The following SRSF9 variants were observed in gnomAD, a reference collection of about 807,000 sequenced individuals.
SRSF9 encodes serine and arginine rich splicing factor 9, also known as serine/arginine-rich splicing factor 9.
In SRSF9, 3 loss-of-function variants were observed where a neutral mutation model predicts 25.9. That is an observed-to-expected ratio of 0.12 (90% CI 0.05 to 0.30). The LOEUF (loss-of-function observed/expected upper bound fraction) is 0.30. SRSF9 is among the 10% of genes least tolerant of loss of function. The pLI is 1.00. For missense variants in SRSF9, 161 were observed against 303.5 expected (o/e 0.53, Z 3.49); for synonymous variants, 114 against 113.2 (o/e 1.01, Z -0.05).
chr12:120,469,646 C>CG lies in SRSF9; in HGVS notation c.-38dup. 1 of 1,241,676 alleles carries CG rather than the reference C, an allele frequency of 8.1e-7. No homozygotes were observed. 76.9% of individuals were successfully genotyped at this position (1,241,676 alleles called of 1,614,324 possible). On this transcript the variant is annotated 5_prime_UTR_variant, in exon 1 of 4. Transcript: ENST00000229390. ...GACGCCGCGGGCCCGCCGCAGCCCA[C>CG]GTCGCCGCCGCCGCCTCAGCACGGG...
intron 1 of SRSF9, 41 bp downstream of exon 1, chr12:120,469,380 TC>T: frequency 6.6e-7 from 1 of 1,506,380 alleles, no homozygotes; most frequent in East Asian, 2.7e-5. Flanking sequence ...GGCGGGGGCC[TC>T]AGGCACCGAG....
At chr12:120,467,239 T>C (rs901339876) in intron 1 of SRSF9, among the ~76,000 whole-genome samples, 2 of 152,216 alleles carry the variant, frequency 1.3e-5, no homozygotes, top group African/African-American at 4.8e-5. Context: ...CCAGGCGCTG[T>C]GGCACATGCC....
intron 1 of SRSF9, among the ~76,000 whole-genome samples, chr12:120,468,051 A>G (rs75231044): frequency 3.9e-5 from 1 of 25,426 alleles, no homozygotes; most frequent in African/African-American, 1.7e-4. Context: ...CCGGGATCGC[A>G]CCACAGCACT....
At chr12:120,466,105 A>G (rs532227721) in intron 1 of SRSF9, among the ~76,000 whole-genome samples, 1 of 152,370 alleles carries the variant, frequency 6.6e-6, no homozygotes, top group South Asian at 2.1e-4. Flanking sequence ...GATTTTGCCA[A>G]TAAACCATCA....
At chr12:120,468,518 G>C (rs972843878) in intron 1 of SRSF9, among the ~76,000 whole-genome samples, 2 of 152,180 alleles carry the variant, frequency 1.3e-5, no homozygotes, top group African/African-American at 4.8e-5. Flanking sequence ...TTCCTCAGAT[G>C]CTCCCCTTGC....
Position 120,469,392 on chromosome 12 carries a change from G to A in SRSF9, c.188+30C>T, listed in dbSNP as rs759422719. 1.4e-5 allele frequency: 22 copies of A among 1,542,906 alleles called. 1 individual carries two copies. In the South Asian group the frequency reaches 2.6e-4, roughly 18 times the overall value. On this transcript the variant is annotated intron_variant, in intron 1 of 3. Coordinates refer to ENST00000229390, the MANE Select transcript of SRSF9 (RefSeq NM_003769.3). ...GAAGGCGGGGGCCTCAGGCACCGAG[G>A]AGGAGAGGGCAGGGGCGCGGGGGCC...
At chr12:120,462,279 G>T in intron 3 of SRSF9, 117 bp from the exon 4 acceptor site, 1 of 1,112,702 alleles carries the variant, frequency 9.0e-7, no homozygotes, top group Non-Finnish European at 1.3e-6. Context: ...TGTACTCTGT[G>T]CCTGGCATGA....
chr12:120,469,400 G>A (rs535779554), intron 1 of SRSF9, 22 bp downstream of exon 1: 5 of 1,562,958 alleles, frequency 3.2e-6, no homozygotes, highest in African/African-American at 2.8e-5. Flanking sequence ...AGGAGGAGAG[G>A]GCAGGGGCGC....
intron 2 of SRSF9, 182 bp from the exon 3 acceptor site, chr12:120,464,304 C>T: frequency 1.6e-6 from 1 of 641,302 alleles, no homozygotes; most frequent in Non-Finnish European, 2.5e-6. Flanking sequence ...GGTAAATGAA[C>T]CACCTTGAGA....
chr12:120,463,110 C>G (rs1237526005), intron 3 of SRSF9: 2 of 111,484 alleles, frequency 1.8e-5, no homozygotes, highest in African/African-American at 8.8e-5. Context: ...ACAGGATAAC[C>G]AGAAAAAAAC....
chr12:120,465,797 A>AT lies in SRSF9; in HGVS notation c.189-11_189-10insA. 6.4e-7 allele frequency: 1 copy of AT among 1,566,410 alleles called. No individual in the cohort carries two copies. Among genetic ancestry groups the AT allele is most frequent in the South Asian group, 1.2e-5 (1 of 81,048 alleles). ...AGCATCCTCTGCATCTCTAAAAAAA[A>AT]CAACAACAACAAAAAAAACGTTTGG... On this transcript the variant is annotated splice_polypyrimidine_tract_variant and intron_variant, in intron 1 of 3. Transcript: ENST00000229390.
At chr12:120,462,320 G>A in intron 3 of SRSF9, 158 bp from the exon 4 acceptor site, 2 of 681,484 alleles carry the variant, frequency 2.9e-6, no homozygotes, top group Non-Finnish European at 4.7e-6. Context: ...ATAACATTAT[G>A]AGGTAGGTAC....
At chr12:120,464,238 A>G (rs576017198) in intron 2 of SRSF9, 116 bp from the exon 3 acceptor site, 83 of 1,226,008 alleles carry the variant, frequency 6.8e-5, no homozygotes, top group Non-Finnish European at 9.2e-5. Context: ...GAGGGTCCCC[A>G]AATCATAAAC....
At position 120,461,890 on chromosome 12, in the gene SRSF9, T is replaced by C. The variant is rs1878350165; in HGVS notation, c.*129A>G. 1 of 1,014,016 alleles carries C rather than the reference T, an allele frequency of 9.9e-7. No individual in the cohort carries two copies. Among genetic ancestry groups the C allele is most frequent in the Non-Finnish European group, 1.3e-6 (1 of 751,582 alleles). The allele number at this position is 1,014,016 out of a possible 1,614,324, so 62.8% of individuals were successfully genotyped here. A position where few individuals can be genotyped will look rare whatever the true frequency, so the allele number is the denominator to read the frequency against. On this transcript the variant is annotated 3_prime_UTR_variant, in exon 4 of 4. Coordinates refer to ENST00000229390, the MANE Select transcript of SRSF9 (RefSeq NM_003769.3). ...CCCTGGTAGAAATTATGTAGTTTTT[T>C]TTCTTCTTTAAAAAAAAAAAATTAA...
intron 3 of SRSF9, chr12:120,463,722 T>G: frequency 2.2e-6 from 1 of 456,076 alleles, no homozygotes. Flanking sequence ...GATACTAATA[T>G]GCAGAATAAA....
intron 1 of SRSF9, among the ~76,000 whole-genome samples, chr12:120,466,719 T>C (rs528176133): frequency 6.6e-6 from 1 of 152,132 alleles, no homozygotes; most frequent in East Asian, 1.9e-4. Flanking sequence ...GGATTTTTTG[T>C]AGAGACAGGT....
rs112862349 is a variant in SRSF9 at position 120,462,316 on chromosome 12, T to C, written c.523-154A>G. 31 of 705,140 alleles carry C rather than the reference T, an allele frequency of 4.4e-5. 1 individual carries two copies. The highest frequency in any genetic ancestry group is 3.7e-4 in the African/African-American group (20 of 54,702). 43.7% of individuals were successfully genotyped at this position (705,140 alleles called of 1,614,324 possible). A position where few individuals can be genotyped will look rare whatever the true frequency, so the allele number is the denominator to read the frequency against. The stretch of plus-strand genomic sequence containing the variant: ...GCTATCTCATTAAACCTTCATAACA[T>C]TATGAGGTAGGTACTCTTACTATCC... On this transcript the variant is annotated intron_variant, in intron 3 of 3. Coordinates refer to ENST00000229390, the MANE Select transcript of SRSF9 (RefSeq NM_003769.3).
chr12:120,466,522 G>A (rs1055737709), intron 1 of SRSF9, among the ~76,000 whole-genome samples: 10 of 151,996 alleles, frequency 6.6e-5, no homozygotes, highest in Non-Finnish European at 1.3e-4. Flanking sequence ...GCAAATGAGT[G>A]TTTTGTGATG....
chr12:120,465,696 C>T lies in SRSF9; in HGVS notation c.280G>A (p.Gly94Ser), dbSNP rs1565917169. The T allele has an allele frequency of 2.5e-6, 4 of 1,604,290 alleles. No individual in the cohort carries two copies. In the South Asian group the frequency reaches 3.4e-5, roughly 13 times the overall value. The change falls in exon 2 of 4, where the codon GGT becomes AGT. Residue 94 changes from glycine to serine, a missense_variant. Around this residue, in one of 3 missense-constraint regions of SRSF9, gnomAD observed 99 missense variants for 156.7 expected, o/e 0.63. Coordinates refer to ENST00000229390, the MANE Select transcript of SRSF9 (RefSeq NM_003769.3). ...TTCCTCCCACCACGGGGCCACCCAC[C>T]CCGACCTCCATAAGTCCTGGGGAAC... is the stretch of plus-strand genomic sequence containing the variant. ...VEFPRTYGGR[G>S]GWPRGGRNGP...
Sources: gnomAD v4.1 joint callset for allele counts (sites outside exome capture counted in the v4.1 genomes callset) on GRCh38, gnomAD v4.1.1 for gene constraint, gnomAD v4.1.1 regional missense constraint, MANE v1.5 for transcripts, NCBI Gene and HGNC (gene_info 2026-07-23, HGNC 2026-07-21) for gene names.